PRR16: variants seen among roughly 807,000 people sequenced by gnomAD.
PRR16 encodes protein Largen.
Under a neutral mutation model 18.2 loss-of-function variants are expected in PRR16, and 6 were observed. That is an observed-to-expected ratio of 0.33 (90% CI 0.18 to 0.65). The LOEUF is 0.65. Among genes scored for constraint, PRR16 ranks in the 30% least tolerant of loss-of-function variants. The pLI, the probability that PRR16 is intolerant of heterozygous loss-of-function variation, is 0.74. For synonymous variants in PRR16, 151 were observed against 147.8 expected, an observed-to-expected ratio of 1.02 and a Z score of -0.16; for missense variants, 412 against 376.6, an observed-to-expected ratio of 1.09 and a Z score of -0.78.
chr5:120,515,723 C>G (rs376542175), intron 1 of PRR16, among the ~76,000 whole-genome samples: 1 of 152,122 alleles, frequency 6.6e-6, no homozygotes, highest in Non-Finnish European at 1.5e-5. Context: ...ATGATAAATA[C>G]AGCATGTTTC....
At chr5:120,670,127 G>T (rs1458473145) in intron 1 of PRR16, among the ~76,000 whole-genome samples, 2 of 152,046 alleles carry the variant, frequency 1.3e-5, no homozygotes, top group Non-Finnish European at 2.9e-5. Flanking sequence ...CAATGGGATT[G>T]GTTTTACAGT....
the PRR16 span, among the ~76,000 whole-genome samples, chr5:120,725,124 A>G: frequency 1.5e-3 from 233 of 152,140 alleles, 1 homozygote; most frequent in African/African-American, 4.0e-3. Flanking sequence ...AGCATTGTAT[A>G]AAGGTGCTGA....
At chr5:120,495,130 C>A (rs1750201176) in intron 1 of PRR16, among the ~76,000 whole-genome samples, 1 of 152,070 alleles carries the variant, frequency 6.6e-6, no homozygotes, top group Admixed American at 6.5e-5. Flanking sequence ...TACTATACTG[C>A]TGGAGTTAGA....
rs79849932 is a variant in PRR16 at position 120,482,262 on chromosome 5, T to G, written c.159+17617T>G. On this transcript the variant is annotated intron_variant, in intron 1 of 1. Coordinates refer to ENST00000407149, the MANE Select transcript of PRR16 (RefSeq NM_001300783.2). The stretch of plus-strand genomic sequence containing the variant: ...GTAGTGAGCATAGTACCCAATAGTT[T>G]TTCAACACTTTTCCCGCTTCTTCTC... Among the ~76,000 whole-genome samples, 1,049 of 152,212 alleles carry G rather than the reference T, an allele frequency of 6.9e-3. 19 individuals are homozygous for G. Among genetic ancestry groups the G allele is most frequent in the African/African-American group, 0.024 (1,008 of 41,546 alleles).
chr5:120,749,730 TAGAA>T, the PRR16 span, among the ~76,000 whole-genome samples: 7 of 152,152 alleles, frequency 4.6e-5, no homozygotes, highest in African/African-American at 1.7e-4. Flanking sequence ...CAAGAGTAAA[TAGAA>T]AGAATTCTGT....
intron 1 of PRR16, chr5:120,481,129 A>C: frequency 8.6e-7 from 1 of 1,162,714 alleles, no homozygotes; most frequent in African/African-American, 1.7e-5. Flanking sequence ...CTACTTTACC[A>C]ATGTTTTAAA....
intron 1 of PRR16, among the ~76,000 whole-genome samples, chr5:120,546,864 C>T (rs1338667919): frequency 6.6e-6 from 1 of 152,002 alleles, no homozygotes; most frequent in Non-Finnish European, 1.5e-5. Context: ...AGAGATGTTT[C>T]TCCTTGCCTA....
chr5:120,583,111 A>G (rs1180150996), intron 1 of PRR16, among the ~76,000 whole-genome samples: 1 of 152,206 alleles, frequency 6.6e-6, no homozygotes, highest in Non-Finnish European at 1.5e-5. Context: ...TCCAAGAACA[A>G]CTGTCTCAAA....
intron 1 of PRR16, among the ~76,000 whole-genome samples, chr5:120,615,384 C>CTTTTTTTTTTTTTTT (rs10717083): frequency 7.0e-4 from 83 of 119,072 alleles, no homozygotes; most frequent in South Asian, 1.6e-3. Context: ...TCTTTCTTTT[C>CTTTTTTTTTTTTTTT]TTTTTTTTTT....
the PRR16 span, among the ~76,000 whole-genome samples, chr5:120,744,687 G>A: frequency 8.6e-5 from 13 of 152,036 alleles, no homozygotes; most frequent in African/African-American, 1.2e-4. Context: ...TTATAACATG[G>A]ACAACTTAGT....
chr5:120,716,382 A>C, the PRR16 span, among the ~76,000 whole-genome samples: 1 of 152,164 alleles, frequency 6.6e-6, no homozygotes, highest in East Asian at 1.9e-4. Flanking sequence ...TATTTCCACT[A>C]TCTACTCCAT....
chr5:120,702,157 G>A, the PRR16 span, among the ~76,000 whole-genome samples: 2 of 151,476 alleles, frequency 1.3e-5, no homozygotes, highest in African/African-American at 2.4e-5. Context: ...AGAAAAGTGG[G>A]AAAAGGGGTT....
At chr5:120,794,436 A>G in the PRR16 span, among the ~76,000 whole-genome samples, 2 of 152,114 alleles carry the variant, frequency 1.3e-5, 1 homozygote, top group Admixed American at 1.3e-4. Flanking sequence ...TTTCAAGCAT[A>G]TGCATCATTA....
chr5:120,475,691 C>A (rs1749419063), intron 1 of PRR16, among the ~76,000 whole-genome samples: 1 of 152,058 alleles, frequency 6.6e-6, no homozygotes, highest in Non-Finnish European at 1.5e-5. Context: ...GAACTGTAAC[C>A]ATGCTACTGC....
At chr5:120,579,335 G>A (rs1753186047) in intron 1 of PRR16, among the ~76,000 whole-genome samples, 1 of 152,112 alleles carries the variant, frequency 6.6e-6, no homozygotes, top group South Asian at 2.1e-4. Context: ...CCATGCCTAT[G>A]TCCTAAATGG....
intron 1 of PRR16, among the ~76,000 whole-genome samples, chr5:120,666,842 G>A (rs1428307091): frequency 6.8e-6 from 1 of 148,120 alleles, no homozygotes; most frequent in Non-Finnish European, 1.5e-5. Context: ...TTTTTGATGT[G>A]CTGCTGGATT....
intron 1 of PRR16, among the ~76,000 whole-genome samples, chr5:120,595,361 A>G (rs1441453374): frequency 6.6e-6 from 1 of 151,980 alleles, no homozygotes; most frequent in Non-Finnish European, 1.5e-5. Flanking sequence ...ATTACTAATC[A>G]TTAGAGAAAA....
intron 1 of PRR16, among the ~76,000 whole-genome samples, chr5:120,644,179 C>G (rs1755516737): frequency 6.6e-6 from 1 of 152,094 alleles, no homozygotes; most frequent in South Asian, 2.1e-4. Context: ...ACAGGAATGA[C>G]TATCTCATAC....
At chr5:120,718,269 C>T in the PRR16 span, among the ~76,000 whole-genome samples, 2 of 152,068 alleles carry the variant, frequency 1.3e-5, no homozygotes, top group Non-Finnish European at 2.9e-5. Flanking sequence ...TATAGGACAC[C>T]TCTGACTTCA....
Sources: allele counts gnomAD v4.1 joint callset (sites outside exome capture counted in the v4.1 genomes callset), GRCh38; gene constraint gnomAD v4.1.1; transcripts MANE v1.5; gene names NCBI Gene and HGNC (gene_info 2026-07-23, HGNC 2026-07-21).